CA10: variants seen among roughly 807,000 people sequenced by gnomAD.
CA10 encodes carbonic anhydrase-related protein 10.
Under a neutral mutation model 44.2 loss-of-function variants are expected in CA10, and 14 were observed. The observed-to-expected ratio is 0.32, with a 90% CI of 0.21 to 0.50. The LOEUF (loss-of-function observed/expected upper bound fraction) is 0.50. CA10 is among the 20% of genes least tolerant of loss of function. The pLI, the probability that CA10 is intolerant of heterozygous loss-of-function variation, is 0.99. For synonymous variants in CA10, 159 were observed against 141.6 expected (o/e 1.12, Z -0.87); for missense variants, 350 against 409.7 (o/e 0.85, Z 1.26).
In CA10 at chr17:51,631,411, G is replaced by A. The variant is rs1912566820; in HGVS notation, c.*173C>T. The A allele has an allele frequency of 2.9e-6, 2 of 696,852 alleles. No individual in the cohort carries two copies. The highest frequency in any genetic ancestry group is 2.5e-5 in the East Asian group (1 of 40,262). The allele number at this position is 696,852 out of a possible 1,614,324, so 43.2% of individuals were successfully genotyped here. Reference sequence around the variant, plus strand: ...GTGTTTGTGAGTATGTGTGAGAGATGTATTCCTCTGCCATGGTTTTGCAGA... The same window carrying A: ...GTGTTTGTGAGTATGTGTGAGAGATATATTCCTCTGCCATGGTTTTGCAGA... On this transcript the variant is annotated 3_prime_UTR_variant, in exon 9 of 9. Coordinates refer to ENST00000451037, the MANE Select transcript of CA10 (RefSeq NM_020178.5).
intron 3 of CA10, chr17:51,762,393 T>C (rs1905239911): frequency 6.6e-6 from 1 of 151,568 alleles, no homozygotes; most frequent in African/African-American, 2.4e-5. Context: ...CCCAGAGGAG[T>C]GGGCATTTGA....
At chr17:51,863,801 A>C (rs1979422447) in intron 3 of CA10, among the ~76,000 whole-genome samples, 1 of 152,034 alleles carries the variant, frequency 6.6e-6, no homozygotes, top group African/African-American at 2.4e-5. Context: ...TAAATGTGAA[A>C]CTCCCACCAT....
At chr17:51,843,187 G>C (rs1054658942) in intron 3 of CA10, among the ~76,000 whole-genome samples, 2 of 152,198 alleles carry the variant, frequency 1.3e-5, no homozygotes, top group African/African-American at 2.4e-5. Context: ...GGAACTCCAG[G>C]CATCTAGCAC....
At position 51,879,304 on chromosome 17, in the gene CA10, G is replaced by A. The variant is rs187108883; in HGVS notation, c.279+51686C>T. Among the ~76,000 whole-genome samples the A allele has an allele frequency of 5.7e-4, 87 of 152,132 alleles. 1 individual carries two copies. Among genetic ancestry groups the A allele is most frequent in the African/African-American group, 2.0e-3 (84 of 41,530 alleles). ...ATAAACTACCAGAATTGGAATTACT[G>A]GGGAGACAAATACTACAAATAGCTG... On this transcript the variant is annotated intron_variant, in intron 3 of 8. Transcript: ENST00000451037.
intron 2 of CA10, among the ~76,000 whole-genome samples, chr17:51,993,007 G>A (rs1182485363): frequency 3.3e-5 from 5 of 152,052 alleles, no homozygotes; most frequent in Non-Finnish European, 7.4e-5. Context: ...AATCTTACTC[G>A]GTTTCCCCCA....
intron 3 of CA10, among the ~76,000 whole-genome samples, chr17:51,895,484 T>C (rs1405205223): frequency 6.6e-6 from 1 of 152,022 alleles, no homozygotes; most frequent in Non-Finnish European, 1.5e-5. Context: ...CAGGTTGTAC[T>C]TCAGCAAGAT....
At chr17:51,695,171 A>C (rs1219583653) in intron 4 of CA10, among the ~76,000 whole-genome samples, 1 of 152,114 alleles carries the variant, frequency 6.6e-6, no homozygotes, top group African/African-American at 2.4e-5. Flanking sequence ...ATTTTAGAAT[A>C]GTTTTTTCTA....
At chr17:52,041,655 T>G (rs922077605) in intron 2 of CA10, among the ~76,000 whole-genome samples, 1 of 152,116 alleles carries the variant, frequency 6.6e-6, no homozygotes, top group Non-Finnish European at 1.5e-5. Context: ...ATAGTCACCA[T>G]GCTGTACATT....
At chr17:51,773,196 A>G (rs1905676197) in intron 3 of CA10, among the ~76,000 whole-genome samples, 1 of 152,230 alleles carries the variant, frequency 6.6e-6, no homozygotes, top group Non-Finnish European at 1.5e-5. Context: ...TTCATAATCA[A>G]AGGTTGCTCA....
At chr17:51,791,669 T>G (rs1313815962) in intron 3 of CA10, among the ~76,000 whole-genome samples, 1 of 152,236 alleles carries the variant, frequency 6.6e-6, no homozygotes, top group African/African-American at 2.4e-5. Context: ...TCATGTTCAC[T>G]GTGGCGCCAC....
At chr17:52,151,526 C>T (rs971688785) in intron 1 of CA10, among the ~76,000 whole-genome samples, 3 of 152,096 alleles carry the variant, frequency 2.0e-5, no homozygotes, top group African/African-American at 7.2e-5. Context: ...AACATGTACT[C>T]TCTTGTTAAA....
chr17:51,666,862 A>G (rs1414330807), intron 4 of CA10, among the ~76,000 whole-genome samples: 5 of 152,234 alleles, frequency 3.3e-5, no homozygotes, highest in Non-Finnish European at 1.5e-5. Context: ...AGCACCCAAG[A>G]AGATTATAAA....
intron 3 of CA10, among the ~76,000 whole-genome samples, chr17:51,922,430 C>G (rs1268579998): frequency 1.3e-5 from 2 of 152,130 alleles, no homozygotes; most frequent in Non-Finnish European, 2.9e-5. Flanking sequence ...TCCTGCTTTC[C>G]TCTAACCACA....
chr17:51,704,592 C>A (rs1033073915), intron 4 of CA10, among the ~76,000 whole-genome samples: 1 of 152,202 alleles, frequency 6.6e-6, no homozygotes, highest in Non-Finnish European at 1.5e-5. Context: ...GTGCAATAAT[C>A]TAGTCAGTGG....
intron 8 of CA10, among the ~76,000 whole-genome samples, chr17:51,633,032 T>G (rs1054923054): frequency 1.3e-5 from 2 of 152,178 alleles, no homozygotes; most frequent in Non-Finnish European, 2.9e-5. Context: ...ACTTAAAAGC[T>G]CTAATGCTTT....
At chr17:51,860,634 C>G (rs1384358456) in intron 3 of CA10, among the ~76,000 whole-genome samples, 1 of 152,120 alleles carries the variant, frequency 6.6e-6, no homozygotes, top group Non-Finnish European at 1.5e-5. Context: ...TAGGCTTTTA[C>G]CTATATAACA....
At chr17:51,743,089 T>C (rs1904528541) in intron 4 of CA10, among the ~76,000 whole-genome samples, 1 of 152,198 alleles carries the variant, frequency 6.6e-6, no homozygotes, top group Admixed American at 6.5e-5. Flanking sequence ...GAAGAGTGGA[T>C]GAAATTAACA....
At chr17:52,137,500 T>G (rs1989385277) in intron 1 of CA10, among the ~76,000 whole-genome samples, 1 of 152,104 alleles carries the variant, frequency 6.6e-6, no homozygotes, top group Non-Finnish European at 1.5e-5. Context: ...CAATATAAAT[T>G]TGGGTAGGAT....
chr17:51,842,664 A>G (rs376409447), intron 3 of CA10, among the ~76,000 whole-genome samples: 3 of 152,196 alleles, frequency 2.0e-5, no homozygotes, highest in South Asian at 2.1e-4. Flanking sequence ...ACACTTACAC[A>G]GAGAAATATG....
Sources: allele counts gnomAD v4.1 joint callset (sites outside exome capture counted in the v4.1 genomes callset), GRCh38; gene constraint gnomAD v4.1.1; transcripts MANE v1.5; gene names NCBI Gene and HGNC (gene_info 2026-07-23, HGNC 2026-07-21).